The following TRABD variants were observed in gnomAD, a reference collection of about 807,000 sequenced individuals.
The protein encoded by TRABD is traB domain-containing protein.
In TRABD, 23 loss-of-function variants were observed where a neutral mutation model predicts 39.6. The observed-to-expected ratio is 0.58, with a 90% CI of 0.42 to 0.82. The LOEUF is 0.82. TRABD is among the 40% of genes least tolerant of loss of function. TRABD has a pLI of 0.00. For synonymous variants in TRABD, 243 were observed against 232.1 expected, an observed-to-expected ratio of 1.05 and a Z score of -0.43; for missense variants, 487 against 544.9, an observed-to-expected ratio of 0.89 and a Z score of 1.06.
At chr22:50,194,642 T>A in intron 4 of TRABD, 136 bp downstream of exon 4, 1 of 1,400,882 alleles carries the variant, frequency 7.1e-7, no homozygotes, top group South Asian at 1.4e-5. Context: ...CTGTGGTCCC[T>A]GGGAGTGGCA....
At position 50,198,464 on chromosome 22, in the gene TRABD, C is replaced by G; in HGVS notation, c.1076C>G (p.Ser359Trp). Residue 359 changes from serine (S) to tryptophan (W), a missense_variant, in exon 10 of 10, where the codon TCG (serine) becomes TGG (tryptophan). By Grantham distance (177) the Ser-to-Trp change is radical. Around this residue, in one of 3 missense-constraint regions of TRABD, gnomAD observed 123 missense variants for 108.3 expected, o/e 1.14. Coordinates refer to ENST00000380909, the MANE Select transcript of TRABD (RefSeq NM_001320485.2). This position sits in a 1 kb window ranked among gnomAD's most constrained non-coding sequence, Gnocchi z 7.9. ...MGRRTASLVLSLPAAQYCLQR... is the reference protein window; with the variant it reads ...MGRRTASLVLWLPAAQYCLQR... ...CGCCGCACCGCGAGCCTGGTCCTGTCGCTGCCCGCCGCGCAGTACTGCCTG... is the reference window on the plus strand; with the variant it reads ...CGCCGCACCGCGAGCCTGGTCCTGTGGCTGCCCGCCGCGCAGTACTGCCTG... The G allele has an allele frequency of 6.3e-7, 1 of 1,594,630 alleles. No homozygotes were observed. The highest frequency in any genetic ancestry group is 8.5e-7 in the Non-Finnish European group (1 of 1,176,408).
intron 1 of TRABD, chr22:50,192,326 T>C (rs1020335832): frequency 1.3e-5 from 2 of 152,364 alleles, no homozygotes; most frequent in Non-Finnish European, 2.9e-5. Context: ...CGCCTGGCTG[T>C]TTTCTTCCTT....
intron 7 of TRABD, 42 bp from the exon 8 acceptor site, chr22:50,197,781 C>CCCCGG: frequency 3.1e-5 from 46 of 1,496,354 alleles, no homozygotes; most frequent in Non-Finnish European, 4.0e-5. Flanking sequence ...CCCCCCAGCC[C>CCCCGG]GTTGCCCATC....
intron 1 of TRABD, among the ~76,000 whole-genome samples, chr22:50,186,889 C>G (rs1166905826): frequency 6.6e-6 from 1 of 152,266 alleles, no homozygotes; most frequent in Non-Finnish European, 1.5e-5. Flanking sequence ...GGAGTGGGAG[C>G]TGTCTGGGCA....
intron 1 of TRABD, 122 bp from the exon 2 acceptor site, chr22:50,192,904 TG>T: frequency 4.7e-6 from 4 of 851,822 alleles, no homozygotes; most frequent in Non-Finnish European, 7.2e-6. Flanking sequence ...TTTGGGGATA[TG>T]GGGGAAGGAG....
intron 1 of TRABD, among the ~76,000 whole-genome samples, chr22:50,189,858 G>A (rs2063850358): frequency 6.6e-6 from 1 of 152,172 alleles, no homozygotes; most frequent in Admixed American, 6.5e-5. Context: ...TTGTGGGGCT[G>A]GGAACCAGGT....
In TRABD at chr22:50,194,933, G is replaced by C. The variant is rs1424601421; in HGVS notation, c.313G>C (p.Val105Leu). 6.2e-7 allele frequency: 1 copy of C among 1,612,940 alleles called. No individual in the cohort carries two copies. The highest frequency in any genetic ancestry group is 1.1e-5 in the South Asian group (1 of 91,090). The change falls in exon 5 of 10, where the codon GTG becomes CTG. Residue 105 changes from valine (V) to leucine (L), a missense_variant. Transcript: ENST00000380909. ...GGAGGTGCAGCCTGACGTGGTGGTC[G>C]TGGAGCTCTGCCAATATCGTGTGTC... Reference protein sequence around the residue: ...IREVQPDVVVVELCQYRVSML... With the variant: ...IREVQPDVVVLELCQYRVSML...
At chr22:50,187,858 T>C (rs545464230) in intron 1 of TRABD, among the ~76,000 whole-genome samples, 1 of 152,150 alleles carries the variant, frequency 6.6e-6, no homozygotes, top group South Asian at 2.1e-4. Flanking sequence ...CAGGCGCCTG[T>C]AGTCCCAGCT....
rs765811642 is a variant in TRABD, at chr22:50,194,401, CA to C, written c.176del (p.Asn59ThrfsTer6). ...AGCTGAAGCGGCGGCGTCAGCGGCC[CA>C]ACCTGCCGCGCACTGTGACCCAGTT... ...MKLKRRRQRPNLPRTVTQLVA... is the reference protein window; with the variant it reads ...MKLKRRRQRPXLPRTVTQLVA... On this transcript the variant is annotated frameshift_variant, in exon 4 of 10. Transcript: ENST00000380909. LOFTEE classifies it high-confidence loss of function. 22 of 1,612,724 alleles carry C rather than the reference CA, an allele frequency of 1.4e-5. No individual in the cohort carries two copies. The highest frequency in any genetic ancestry group is 3.3e-4 in the Middle Eastern group (2 of 6,084).
At chr22:50,192,189 G>C (rs1193331094) in intron 1 of TRABD, 1 of 152,326 alleles carries the variant, frequency 6.6e-6, no homozygotes, top group African/African-American at 2.4e-5. Flanking sequence ...AGAGCCACAT[G>C]GTGCAGCAGG....
At position 50,193,665 on chromosome 22, in the gene TRABD, C is replaced by T. The variant is rs766291477; in HGVS notation, c.112+11C>T. 3.1e-6 allele frequency: 5 copies of T among 1,613,196 alleles called. No homozygotes were observed. In the South Asian group the frequency reaches 5.5e-5, roughly 18 times the overall value. On this transcript the variant is annotated intron_variant, in intron 3 of 9. Transcript: ENST00000380909. ...ACCCCCAGAACCTGTGTACGTGTCC[C>T]TCAGGGTCCTGGCACGTTCCCCGGT... is the stretch of plus-strand genomic sequence containing the variant.
intron 1 of TRABD, among the ~76,000 whole-genome samples, chr22:50,189,598 C>A (rs572283090): frequency 6.6e-6 from 1 of 152,384 alleles, no homozygotes; most frequent in African/African-American, 2.4e-5. Context: ...GATGTCTGTC[C>A]CCCCGGAGGG....
At chr22:50,195,835 A>T (rs1335043447) in intron 5 of TRABD, among the ~76,000 whole-genome samples, 1 of 152,106 alleles carries the variant, frequency 6.6e-6, no homozygotes, top group African/African-American at 2.4e-5. Flanking sequence ...CCCCCTGTTC[A>T]AAGGAAACAA....
chr22:50,196,612 CTT>C (rs973686125), intron 5 of TRABD, among the ~76,000 whole-genome samples: 2 of 152,214 alleles, frequency 1.3e-5, no homozygotes, highest in African/African-American at 4.8e-5. Context: ...TGGTGAGGCC[CTT>C]TCTCCAGCCT....
At chr22:50,190,402 T>A (rs2063865970) in intron 1 of TRABD, among the ~76,000 whole-genome samples, 1 of 151,848 alleles carries the variant, frequency 6.6e-6, no homozygotes, top group African/African-American at 2.4e-5. Context: ...GACCCTGCCC[T>A]GTCCATGGCC....
In TRABD at chr22:50,198,479, A is replaced by G. The variant is rs755190727; in HGVS notation, c.1091A>G (p.Gln364Arg). The G allele has an allele frequency of 3.8e-6, 6 of 1,592,118 alleles. No homozygotes were observed. Among genetic ancestry groups the G allele is most frequent in the African/African-American group, 1.3e-5 (1 of 74,610 alleles). The change falls in exon 10 of 10, where the codon CAG becomes CGG. Residue 364 changes from glutamine (Q) to arginine (R), a missense_variant. By Grantham distance (43) the Gln-to-Arg change is conservative. Around this residue, in one of 3 missense-constraint regions of TRABD, gnomAD observed 123 missense variants for 108.3 expected, o/e 1.14. Transcript: ENST00000380909. The surrounding 1 kb of genome is among the most constrained non-coding windows in gnomAD (Gnocchi z 7.9). ...CTGGTCCTGTCGCTGCCCGCCGCGC[A>G]GTACTGCCTGCAGAGGGTGACCGAG... ...ASLVLSLPAA[Q>R]YCLQRVTEAR...
intron 3 of TRABD, 75 bp from the exon 4 acceptor site, chr22:50,194,265 G>A (rs2064015027): frequency 6.4e-7 from 1 of 1,554,422 alleles, no homozygotes; most frequent in Non-Finnish European, 8.7e-7. Context: ...GGGTTCTAGA[G>A]CCCAGGCTGC....
chr22:50,192,621 C>G lies in TRABD; in HGVS notation c.-34-406C>G, dbSNP rs146210243. 6.5e-3 allele frequency among the ~76,000 whole-genome samples: 992 copies of G among 152,326 alleles called. 8 individuals carry two copies. The highest frequency in any genetic ancestry group is 0.023 in the African/African-American group (944 of 41,562). On this transcript the variant is annotated intron_variant, in intron 1 of 9. Coordinates refer to ENST00000380909, the MANE Select transcript of TRABD (RefSeq NM_001320485.2). ...GGGAAGTGGCTTTTGTACAAAGGCC[C>G]TGGGGTCCTTGCCATGTGTCAGCAG...
At chr22:50,189,659 G>C (rs1436695643) in intron 1 of TRABD, among the ~76,000 whole-genome samples, 1 of 152,274 alleles carries the variant, frequency 6.6e-6, no homozygotes, top group African/African-American at 2.4e-5. Flanking sequence ...TATCTGAAAA[G>C]GACAGGTAGA....
Sources: allele counts gnomAD v4.1 joint callset (sites outside exome capture counted in the v4.1 genomes callset), GRCh38; gene constraint gnomAD v4.1.1; regional missense constraint gnomAD v4.1.1; non-coding constraint Gnocchi (gnomAD v3.1); transcripts MANE v1.5; gene names NCBI Gene and HGNC (gene_info 2026-07-23, HGNC 2026-07-21).